The following DCLK1 variants were observed in gnomAD, a reference collection of about 807,000 sequenced individuals.
The protein encoded by DCLK1 is serine/threonine-protein kinase DCLK1.
In DCLK1, 16 loss-of-function variants were observed where a neutral mutation model predicts 86.2. The observed-to-expected ratio is 0.19, with a 90% CI of 0.13 to 0.28. The LOEUF is 0.28. DCLK1 is among the 10% of genes least tolerant of loss of function. The probability of loss-of-function intolerance (pLI) is 1.00; values close to 1 mark genes in which losing one functional copy is unlikely to be tolerated. For synonymous variants in DCLK1, 369 were observed against 370.5 expected (o/e 1.00, Z 0.05); for missense variants, 590 against 940.2 (o/e 0.63, Z 4.87).
intron 3 of DCLK1, among the ~76,000 whole-genome samples, chr13:36,087,973 C>A (rs1304409271): frequency 6.6e-6 from 1 of 152,284 alleles, no homozygotes; most frequent in East Asian, 1.9e-4. Flanking sequence ...GCATAGGATG[C>A]TCTGGCTGGG....
chr13:36,047,564 A>C (rs746204025), intron 3 of DCLK1, among the ~76,000 whole-genome samples: 8 of 152,224 alleles, frequency 5.3e-5, no homozygotes, highest in Non-Finnish European at 8.8e-5. Flanking sequence ...GGAGGACATT[A>C]TGCTAAGTGA....
chr13:35,828,730 C>T (rs1285966656), intron 8 of DCLK1, among the ~76,000 whole-genome samples: 1 of 152,142 alleles, frequency 6.6e-6, no homozygotes, highest in African/African-American at 2.4e-5. Flanking sequence ...TGCCAGGTTA[C>T]TCTTCCCTCC....
At chr13:35,818,650 AAGGAGG>A (rs1052569826) in intron 11 of DCLK1, among the ~76,000 whole-genome samples, 3 of 152,176 alleles carry the variant, frequency 2.0e-5, no homozygotes, top group Non-Finnish European at 4.4e-5. Context: ...TACTTTTCAT[AAGGAGG>A]AGGCATCTGT....
intron 3 of DCLK1, among the ~76,000 whole-genome samples, chr13:36,002,040 C>G (rs1275507703): frequency 2.6e-5 from 4 of 152,110 alleles, no homozygotes; most frequent in Non-Finnish European, 5.9e-5. Context: ...AAAAATCTCT[C>G]TTTAAAAACA....
At chr13:36,008,140 T>C (rs1383230211) in intron 3 of DCLK1, among the ~76,000 whole-genome samples, 1 of 63,462 alleles carries the variant, frequency 1.6e-5, no homozygotes, top group Non-Finnish European at 3.2e-5. Flanking sequence ...CTCTCTAAAA[T>C]TTTTTTTTTT....
chr13:36,094,395 C>A (rs952518290), intron 3 of DCLK1, among the ~76,000 whole-genome samples: 1 of 152,154 alleles, frequency 6.6e-6, no homozygotes, highest in Non-Finnish European at 1.5e-5. Context: ...AAATTAACAA[C>A]AGATAGTTAG....
chr13:36,091,084 T>G (rs541701152), intron 3 of DCLK1, among the ~76,000 whole-genome samples: 1 of 152,234 alleles, frequency 6.6e-6, no homozygotes, highest in Non-Finnish European at 1.5e-5. Flanking sequence ...TTCTGGATAT[T>G]AGACCTTTGT....
At chr13:35,821,918 C>A (rs1212397136) in intron 11 of DCLK1, among the ~76,000 whole-genome samples, 3 of 151,794 alleles carry the variant, frequency 2.0e-5, no homozygotes, top group African/African-American at 7.3e-5. Flanking sequence ...AAAAGCAAAC[C>A]AAATAGTGTA....
At chr13:35,892,018 T>C (rs1278151840) in intron 4 of DCLK1, among the ~76,000 whole-genome samples, 2 of 152,164 alleles carry the variant, frequency 1.3e-5, no homozygotes, top group East Asian at 1.9e-4. Flanking sequence ...TTTTAGCATA[T>C]GGTAAATAGT....
intron 3 of DCLK1, among the ~76,000 whole-genome samples, chr13:35,969,718 G>A (rs1878975736): frequency 6.6e-6 from 1 of 152,128 alleles, no homozygotes; most frequent in Non-Finnish European, 1.5e-5. Flanking sequence ...TGTCAAAGGG[G>A]CAAAATCAGT....
intron 3 of DCLK1, among the ~76,000 whole-genome samples, chr13:36,001,903 C>T (rs1445397587): frequency 2.0e-5 from 3 of 152,080 alleles, no homozygotes; most frequent in Admixed American, 1.3e-4. Context: ...TGCTTGGTTT[C>T]TTCTCAGTAT....
chr13:35,901,369 A>G (rs534857460), intron 4 of DCLK1, among the ~76,000 whole-genome samples: 1 of 151,996 alleles, frequency 6.6e-6, no homozygotes, highest in Admixed American at 6.6e-5. Flanking sequence ...AGGTGCCTGT[A>G]GTCCCAGTTA....
At chr13:36,022,771 T>C (rs1881840015) in intron 3 of DCLK1, among the ~76,000 whole-genome samples, 2 of 152,206 alleles carry the variant, frequency 1.3e-5, no homozygotes, top group Non-Finnish European at 2.9e-5. Flanking sequence ...CAAAAAACAT[T>C]CCACAAGGAA....
intron 3 of DCLK1, among the ~76,000 whole-genome samples, chr13:35,998,208 TTAAGA>T (rs1276985305): frequency 2.0e-5 from 3 of 152,204 alleles, no homozygotes; most frequent in Non-Finnish European, 4.4e-5. Context: ...CACAACGTCC[TTAAGA>T]TAAAGTACAA....
chr13:35,958,520 AC>A (rs1878274774), intron 3 of DCLK1, among the ~76,000 whole-genome samples: 1 of 149,976 alleles, frequency 6.7e-6, no homozygotes, highest in South Asian at 2.1e-4. Context: ...TGTACCACCA[AC>A]AGCAGTATAA....
intron 5 of DCLK1, among the ~76,000 whole-genome samples, chr13:35,863,135 G>C (rs1871521977): frequency 6.6e-6 from 1 of 152,236 alleles, no homozygotes; most frequent in Admixed American, 6.5e-5. Context: ...CATGTGTGTA[G>C]CAGGCTATAC....
intron 3 of DCLK1, among the ~76,000 whole-genome samples, chr13:36,099,505 A>G (rs2138156934): frequency 1.3e-5 from 2 of 151,894 alleles, no homozygotes; most frequent in South Asian, 4.2e-4. Flanking sequence ...GTCTGAAAGG[A>G]CTCTTCCCTT....
intron 5 of DCLK1, among the ~76,000 whole-genome samples, chr13:35,862,413 G>C (rs574416425): frequency 2.6e-4 from 40 of 151,980 alleles, no homozygotes; most frequent in Non-Finnish European, 4.6e-4. Context: ...CAGCTCTTTC[G>C]GTTCTGTCTT....
chr13:35,803,282 T>C (rs528709516), intron 15 of DCLK1, among the ~76,000 whole-genome samples: 1 of 152,298 alleles, frequency 6.6e-6, no homozygotes, highest in East Asian at 1.9e-4. Context: ...AGATGCTTCC[T>C]AATCTTTTCA....
Sources: gnomAD v4.1 joint callset for allele counts (sites outside exome capture counted in the v4.1 genomes callset) on GRCh38, gnomAD v4.1.1 for gene constraint, MANE v1.5 for transcripts, NCBI Gene and HGNC (gene_info 2026-07-23, HGNC 2026-07-21) for gene names.